SLAMF9: variants seen among roughly 807,000 people sequenced by gnomAD.
The protein encoded by SLAMF9 is SLAM family member 9, also known as CD2 family member 10.
In SLAMF9, 25 loss-of-function variants were observed where a neutral mutation model predicts 30.4. The ratio of observed to expected loss-of-function variants is 0.82; its 90% CI spans 0.60 to 1.15. The LOEUF is 1.15. Ranked by LOEUF, SLAMF9 falls within the 50% of genes most tolerant of loss-of-function variation. The pLI is 0.00. For missense variants in SLAMF9, 344 were observed against 346.1 expected (o/e 0.99, Z 0.05); for synonymous variants, 129 against 127.2 (o/e 1.01, Z -0.09).
At chr1:159,952,239 G>T in intron 3 of SLAMF9, 23 bp downstream of exon 3, 1 of 1,612,576 alleles carries the variant, frequency 6.2e-7, no homozygotes, top group Non-Finnish European at 8.5e-7. Flanking sequence ...TGAGCTCAGG[G>T]GGTGTCTCAG....
At chr1:159,967,917 A>T in the SLAMF9 span, among the ~76,000 whole-genome samples, 7 of 152,202 alleles carry the variant, frequency 4.6e-5, no homozygotes, top group Non-Finnish European at 1.0e-4. Context: ...TGTTATTAAC[A>T]TACAGAAATG....
At chr1:159,963,702 G>A in the SLAMF9 span, among the ~76,000 whole-genome samples, 2 of 152,102 alleles carry the variant, frequency 1.3e-5, no homozygotes, top group Non-Finnish European at 2.9e-5. Context: ...ACTCCCTGAT[G>A]CTTATTGATC....
chr1:159,967,597 T>C, the SLAMF9 span, among the ~76,000 whole-genome samples: 1 of 152,226 alleles, frequency 6.6e-6, no homozygotes, highest in Non-Finnish European at 1.5e-5. Flanking sequence ...TCTTTTGTTG[T>C]TCCCTACGAA....
upstream of SLAMF9, among the ~76,000 whole-genome samples, chr1:159,958,157 C>T (rs970856281): frequency 6.6e-6 from 1 of 152,226 alleles, no homozygotes; most frequent in Admixed American, 6.5e-5. Context: ...TGGGCTGGGG[C>T]TGCCGGGAAC....
the SLAMF9 span, among the ~76,000 whole-genome samples, chr1:159,977,666 G>T: frequency 3.9e-5 from 6 of 152,172 alleles, no homozygotes; most frequent in African/African-American, 1.4e-4. Flanking sequence ...ACCAGGAACT[G>T]GGGAGGGAAA....
At position 159,953,308 on chromosome 1, in the gene SLAMF9, C is replaced by T. The variant is rs374371894; in HGVS notation, c.391+1G>A. On this transcript the variant is annotated splice_donor_variant, in intron 2 of 3. Transcript: ENST00000368093. LOFTEE classifies it high-confidence loss of function. The stretch of plus-strand genomic sequence containing the variant: ...CTTTATGGTTCCCAGCCTAAACTCA[C>T]GGTAGACACATATATTGTACTGCTG... 3.1e-5 allele frequency: 49 copies of T among 1,593,742 alleles called. No homozygotes were observed. The highest frequency in any genetic ancestry group is 2.3e-4 in the Admixed American group (14 of 59,656).
upstream of SLAMF9, among the ~76,000 whole-genome samples, chr1:159,955,280 T>C (rs1048278341): frequency 6.6e-6 from 1 of 152,218 alleles, no homozygotes; most frequent in Non-Finnish European, 1.5e-5. Context: ...CTGTTCTGGA[T>C]GCAATGGGCT....
the SLAMF9 span, among the ~76,000 whole-genome samples, chr1:159,963,714 C>CA: frequency 6.6e-6 from 1 of 152,138 alleles, no homozygotes; most frequent in Non-Finnish European, 1.5e-5. Flanking sequence ...TTATTGATCT[C>CA]AAAATGTAGG....
chr1:159,970,190 T>C, the SLAMF9 span, among the ~76,000 whole-genome samples: 6 of 152,192 alleles, frequency 3.9e-5, no homozygotes, highest in African/African-American at 1.4e-4. Context: ...GTCCTCAAAG[T>C]TGGGCTTTCT....
Position 159,951,692 on chromosome 1 carries a change from T to C in SLAMF9, c.839A>G (p.Lys280Arg), listed in dbSNP as rs200096062. 98 of 1,614,108 alleles carry C rather than the reference T, an allele frequency of 6.1e-5. No individual in the cohort carries two copies. Among genetic ancestry groups the C allele is most frequent in the Non-Finnish European group, 6.9e-5 (82 of 1,180,048 alleles). ...AGGGCTGGAGCCAGGCTTTGCCTCC[T>C]TCCTCAATTTCATTCTGTTTCTCAT... is the stretch of plus-strand genomic sequence containing the variant. ...KLMRNRMKLR[K>R]EAKPGSSPA The change falls in exon 4 of 4, where the codon AAG (lysine) becomes AGG (arginine). Residue 280 changes from lysine (K) to arginine (R), a missense_variant. Coordinates refer to ENST00000368093, the MANE Select transcript of SLAMF9 (RefSeq NM_033438.4).
In SLAMF9 at chr1:159,951,683, T is replaced by C. The variant is rs765442763; in HGVS notation, c.848A>G (p.Lys283Arg). The change falls in exon 4 of 4, where the codon AAG becomes AGG. Residue 283 changes from lysine to arginine, a missense_variant. By Grantham distance (26) the Lys-to-Arg change is conservative. Transcript: ENST00000368093. ...CAGTCAGGCAGGGCTGGAGCCAGGC[T>C]TTGCCTCCTTCCTCAATTTCATTCT... ...RNRMKLRKEA[K>R]PGSSPA 5 of 1,614,044 alleles carry C rather than the reference T, an allele frequency of 3.1e-6. 1 individual carries two copies. In the South Asian group the frequency reaches 5.5e-5, roughly 18 times the overall value.
intron 1 of SLAMF9, among the ~76,000 whole-genome samples, 192 bp downstream of exon 1, chr1:159,953,900 G>A (rs2101891509): frequency 6.6e-6 from 1 of 152,218 alleles, no homozygotes. Flanking sequence ...TGCCATCTTG[G>A]GATTGCTCTT....
chr1:159,953,754 C>T (rs1441087649), intron 1 of SLAMF9, 101 bp from the exon 2 acceptor site: 2 of 1,020,346 alleles, frequency 2.0e-6, no homozygotes, highest in East Asian at 2.6e-5. Context: ...AGCTGGGCAG[C>T]TTCTATGACT....
upstream of SLAMF9, among the ~76,000 whole-genome samples, chr1:159,957,630 A>C (rs1418975459): frequency 6.6e-6 from 1 of 152,212 alleles, no homozygotes; most frequent in African/African-American, 2.4e-5. Context: ...CTAAAAAAAA[A>C]ATTGCTAAGA....
rs1651858045 is a variant in SLAMF9 at position 159,953,784 on chromosome 1, T to C, written c.47-131A>G. 8.5e-6 allele frequency: 7 copies of C among 820,066 alleles called. No homozygotes were observed. The East Asian group carries it at 1.9e-4, about 22-fold the overall frequency. 50.8% of individuals were successfully genotyped at this position (820,066 alleles called of 1,614,324 possible). On this transcript the variant is annotated intron_variant, in intron 1 of 3. Transcript: ENST00000368093. ...ATGACTCTCACACTAAATCCTGTTC[T>C]CCAGCTGCTGCTTCTGACTCTAGAT... is the stretch of plus-strand genomic sequence containing the variant.
the SLAMF9 span, chr1:159,972,997 C>A: frequency 7.1e-7 from 1 of 1,398,956 alleles, no homozygotes; most frequent in Non-Finnish European, 9.4e-7. Flanking sequence ...GCTCATTTAC[C>A]CTGCACTCTG....
At chr1:159,964,788 G>A in the SLAMF9 span, among the ~76,000 whole-genome samples, 1 of 152,138 alleles carries the variant, frequency 6.6e-6, no homozygotes, top group African/African-American at 2.4e-5. Flanking sequence ...AAAGCCCTCA[G>A]TGTTATTATT....
chr1:159,971,100 C>T, the SLAMF9 span, among the ~76,000 whole-genome samples: 30 of 152,262 alleles, frequency 2.0e-4, no homozygotes, highest in South Asian at 6.2e-3. Flanking sequence ...TGTCAGTCAC[C>T]GGCCCTTCCA....
the SLAMF9 span, among the ~76,000 whole-genome samples, chr1:159,970,615 C>G: frequency 6.6e-6 from 1 of 152,206 alleles, no homozygotes; most frequent in Non-Finnish European, 1.5e-5. Flanking sequence ...CTTGCTGCAA[C>G]TTATTTTCCT....
Sources: gnomAD v4.1 joint callset for allele counts (sites outside exome capture counted in the v4.1 genomes callset) on GRCh38, gnomAD v4.1.1 for gene constraint, MANE v1.5 for transcripts, NCBI Gene and HGNC (gene_info 2026-07-23, HGNC 2026-07-21) for gene names.